Variants in RBMS1 observed in about 807,000 individuals in gnomAD.
The protein encoded by RBMS1 is RNA binding motif single stranded interacting protein 1.
RBMS1 carries 17 observed loss-of-function variants against 62.3 expected under a neutral mutation model. That is an observed-to-expected ratio of 0.27 (90% CI 0.19 to 0.41). The LOEUF is 0.41. Ranked by LOEUF, RBMS1 falls within the 10% of genes least tolerant of loss-of-function variation. RBMS1 has a pLI of 1.00. For missense variants in RBMS1, 334 were observed against 504.5 expected, an observed-to-expected ratio of 0.66 and a Z score of 3.24; for synonymous variants, 172 against 170.0, an observed-to-expected ratio of 1.01 and a Z score of -0.09.
At chr2:160,344,288 T>C (rs1378655982) in intron 2 of RBMS1, among the ~76,000 whole-genome samples, 1 of 152,100 alleles carries the variant, frequency 6.6e-6, no homozygotes, top group African/African-American at 2.4e-5. Flanking sequence ...GAACAGCAGG[T>C]ATTACTAAGA....
In RBMS1 at chr2:160,274,673, G is replaced by C. The variant is rs1054949830; in HGVS notation, c.*99C>G. 12 of 152,372 alleles carry C rather than the reference G, an allele frequency of 7.9e-5. No homozygotes were observed. Among genetic ancestry groups the C allele is most frequent in the African/African-American group, 2.4e-4 (10 of 41,336 alleles). 9.4% of individuals were successfully genotyped at this position (152,372 alleles called of 1,614,324 possible). ...CGTTTTCAAGAACCTGTGCAAAACT[G>C]TCAATAATTTCCTAAAGCACAATTG... On this transcript the variant is annotated 3_prime_UTR_variant, in exon 14 of 14. Transcript: ENST00000348849.
intron 2 of RBMS1, among the ~76,000 whole-genome samples, chr2:160,327,572 C>T (rs1691016464): frequency 6.6e-6 from 1 of 152,086 alleles, no homozygotes; most frequent in African/African-American, 2.4e-5. Flanking sequence ...GGTAACGTAG[C>T]TTTACATTAT....
intron 2 of RBMS1, among the ~76,000 whole-genome samples, chr2:160,356,608 GA>G (rs1385159086): frequency 2.0e-5 from 3 of 152,080 alleles, no homozygotes; most frequent in African/African-American, 7.2e-5. Context: ...TAAGCAATAA[GA>G]AAAAGAAATA....
At chr2:160,359,944 A>T (rs950535697) in intron 2 of RBMS1, among the ~76,000 whole-genome samples, 30 of 152,172 alleles carry the variant, frequency 2.0e-4, no homozygotes. Flanking sequence ...TGACAGTAAG[A>T]ATAACTTAAA....
chr2:160,421,991 G>A (rs1383997506), intron 1 of RBMS1, among the ~76,000 whole-genome samples: 1 of 152,118 alleles, frequency 6.6e-6, no homozygotes, highest in Non-Finnish European at 1.5e-5. Flanking sequence ...AATGAGTAGC[G>A]GGCAAGGAAT....
At chr2:160,448,160 CCAT>C (rs929472425) in intron 1 of RBMS1, among the ~76,000 whole-genome samples, 23 of 152,104 alleles carry the variant, frequency 1.5e-4, no homozygotes, top group African/African-American at 5.6e-4. Flanking sequence ...TATATTCTTT[CCAT>C]AATATCAGCT....
intron 1 of RBMS1, among the ~76,000 whole-genome samples, chr2:160,442,186 T>A (rs1683436254): frequency 6.6e-6 from 1 of 152,362 alleles, no homozygotes; most frequent in Non-Finnish European, 1.5e-5. Flanking sequence ...TTGTTTATGA[T>A]CTGTGCTTTT....
chr2:160,335,469 T>C (rs1355697625), intron 2 of RBMS1, among the ~76,000 whole-genome samples: 1 of 152,274 alleles, frequency 6.6e-6, no homozygotes, highest in East Asian at 1.9e-4. Context: ...GTGTAAAAAA[T>C]GTTAATGTGC....
At chr2:160,307,332 A>G (rs1689588589) in intron 4 of RBMS1, among the ~76,000 whole-genome samples, 2 of 133,846 alleles carry the variant, frequency 1.5e-5, no homozygotes, top group Admixed American at 1.6e-4. Flanking sequence ...GGGGGATTAT[A>G]TTCCTGCTCG....
chr2:160,324,907 T>TATACACAC (rs1321182985), intron 2 of RBMS1, among the ~76,000 whole-genome samples: 42 of 106,806 alleles, frequency 3.9e-4, no homozygotes, highest in African/African-American at 1.5e-3. Flanking sequence ...TATATATATA[T>TATACACAC]ACACACACAC....
At chr2:160,476,902 C>T (rs1038843751) in intron 1 of RBMS1, among the ~76,000 whole-genome samples, 1 of 152,158 alleles carries the variant, frequency 6.6e-6, no homozygotes, top group South Asian at 2.1e-4. Flanking sequence ...GTAAAGGAAG[C>T]CTGCATGTAC....
intron 1 of RBMS1, among the ~76,000 whole-genome samples, chr2:160,475,056 T>C (rs1402127596): frequency 6.6e-6 from 1 of 152,238 alleles, no homozygotes; most frequent in East Asian, 1.9e-4. Context: ...AAAGTTTCCA[T>C]TATTGTTTTG....
chr2:160,478,300 A>T (rs968540775), intron 1 of RBMS1, among the ~76,000 whole-genome samples: 1 of 152,234 alleles, frequency 6.6e-6, no homozygotes, highest in Non-Finnish European at 1.5e-5. Context: ...TGAACCAACC[A>T]CGGTGAAGGA....
At chr2:160,450,563 T>TAAAAAAAAAAAAAA (rs71006605) in intron 1 of RBMS1, among the ~76,000 whole-genome samples, 3 of 122,390 alleles carry the variant, frequency 2.5e-5, no homozygotes, top group Admixed American at 9.4e-5. Context: ...AAATAAAAAA[T>TAAAAAAAAAAAAAA]GAAAAAAAAA....
At chr2:160,420,798 A>C (rs934611386) in intron 1 of RBMS1, among the ~76,000 whole-genome samples, 3 of 152,332 alleles carry the variant, frequency 2.0e-5, no homozygotes, top group Middle Eastern at 3.4e-3. Context: ...AGGAACCCAG[A>C]AAAGATAAGC....
chr2:160,460,471 T>G (rs567757911), intron 1 of RBMS1, among the ~76,000 whole-genome samples: 2 of 152,220 alleles, frequency 1.3e-5, no homozygotes, highest in Non-Finnish European at 2.9e-5. Context: ...ACTAGCAGTC[T>G]CACGTAAGGT....
At chr2:160,406,102 TTTAA>T (rs1362098992) in intron 1 of RBMS1, among the ~76,000 whole-genome samples, 1 of 152,220 alleles carries the variant, frequency 6.6e-6, no homozygotes, top group Non-Finnish European at 1.5e-5. Context: ...ATTTTATTTA[TTTAA>T]TTAATTAAAG....
intron 1 of RBMS1, among the ~76,000 whole-genome samples, chr2:160,456,336 GT>G (rs891444838): frequency 5.3e-5 from 8 of 152,164 alleles, no homozygotes; most frequent in African/African-American, 1.9e-4. Context: ...GGAAATTGCT[GT>G]TCAATCCAAT....
intron 1 of RBMS1, among the ~76,000 whole-genome samples, chr2:160,486,520 T>TAC (rs1685606899): frequency 6.6e-6 from 1 of 152,172 alleles, no homozygotes. Context: ...AATCACTGTT[T>TAC]ATCTGGGACC....
Sources: gnomAD v4.1 joint callset for allele counts (sites outside exome capture counted in the v4.1 genomes callset) on GRCh38, gnomAD v4.1.1 for gene constraint, MANE v1.5 for transcripts, NCBI Gene and HGNC (gene_info 2026-07-23, HGNC 2026-07-21) for gene names.